Variants in RBFOX3 observed in about 807,000 individuals in gnomAD.
RBFOX3 encodes the protein RNA binding protein fox-1 homolog 3.
A neutral mutation model predicts 48.7 loss-of-function variants in RBFOX3; 17 were observed. The ratio of observed to expected loss-of-function variants is 0.35; its 90% CI spans 0.24 to 0.52. RBFOX3 has a LOEUF of 0.52. RBFOX3 is among the 20% of genes least tolerant of loss of function. The probability of loss-of-function intolerance (pLI) is 0.94; values close to 1 mark genes in which losing one functional copy is unlikely to be tolerated. For missense variants in RBFOX3, 382 were observed against 497.5 expected (o/e 0.77, Z 2.21); for synonymous variants, 212 against 209.5 (o/e 1.01, Z -0.10).
intron 1 of RBFOX3, among the ~76,000 whole-genome samples, chr17:79,559,907 T>G (rs1599156663): frequency 1.7e-5 from 2 of 116,122 alleles, no homozygotes; most frequent in Non-Finnish European, 3.5e-5. Flanking sequence ...GGTGGGTGGG[T>G]GAGTGGATGA....
At chr17:79,172,562 TG>T (rs1243435480) in intron 4 of RBFOX3, among the ~76,000 whole-genome samples, 1 of 152,160 alleles carries the variant, frequency 6.6e-6, no homozygotes. Flanking sequence ...GGAGGCGGCT[TG>T]GGGAGCCGGA....
the RBFOX3 span, among the ~76,000 whole-genome samples, chr17:79,658,004 ACAC>A: frequency 6.6e-6 from 1 of 152,114 alleles, no homozygotes; most frequent in East Asian, 1.9e-4. Flanking sequence ...GGAGAGAGAG[ACAC>A]TGGCTGAGAA....
At chr17:79,380,584 C>G (rs181799166) in intron 2 of RBFOX3, among the ~76,000 whole-genome samples, 69 of 152,308 alleles carry the variant, frequency 4.5e-4, no homozygotes, top group African/African-American at 1.6e-3. Context: ...TTTACTGCAG[C>G]ATTTGTCCTT....
chr17:79,452,843 A>G (rs114894625), intron 2 of RBFOX3, among the ~76,000 whole-genome samples: 1 of 152,332 alleles, frequency 6.6e-6, no homozygotes, highest in African/African-American at 2.4e-5. Context: ...ATTGCAGGGA[A>G]GAAACACCCT....
chr17:79,340,874 A>T (rs1439023574), intron 2 of RBFOX3, among the ~76,000 whole-genome samples: 1 of 152,226 alleles, frequency 6.6e-6, no homozygotes, highest in Non-Finnish European at 1.5e-5. Context: ...TACTTGAATC[A>T]GAAAAAATGC....
chr17:79,178,788 C>T (rs1006345131), intron 4 of RBFOX3, among the ~76,000 whole-genome samples: 1 of 152,194 alleles, frequency 6.6e-6, no homozygotes, highest in Non-Finnish European at 1.5e-5. Context: ...GGAGTGAGGG[C>T]GCAGGACCGC....
At chr17:79,431,203 G>C (rs2068380913) in intron 2 of RBFOX3, among the ~76,000 whole-genome samples, 1 of 152,178 alleles carries the variant, frequency 6.6e-6, no homozygotes, top group South Asian at 2.1e-4. Flanking sequence ...CACGCGGTCT[G>C]TTCTCACTGC....
At chr17:79,548,305 C>T (rs552447214) in intron 1 of RBFOX3, among the ~76,000 whole-genome samples, 2 of 152,260 alleles carry the variant, frequency 1.3e-5, no homozygotes, top group African/African-American at 2.4e-5. Flanking sequence ...TGAGGCTGCC[C>T]TCTCTGGACA....
chr17:79,114,697 A>C (rs1184247562), intron 5 of RBFOX3, among the ~76,000 whole-genome samples: 1 of 152,194 alleles, frequency 6.6e-6, no homozygotes, highest in African/African-American at 2.4e-5. Flanking sequence ...TAGCACATCC[A>C]GCGGCTGGGA....
At chr17:79,148,173 T>C (rs2043461663) in intron 4 of RBFOX3, among the ~76,000 whole-genome samples, 1 of 152,204 alleles carries the variant, frequency 6.6e-6, no homozygotes, top group South Asian at 2.1e-4. Context: ...CGGTCATGGC[T>C]AACACTCCTT....
chr17:79,448,878 A>G (rs1476460072), intron 2 of RBFOX3, among the ~76,000 whole-genome samples: 1 of 151,970 alleles, frequency 6.6e-6, no homozygotes, highest in African/African-American at 2.4e-5. Context: ...CAGACCCCTC[A>G]TGCAGGTTCC....
At chr17:79,110,275 A>T (rs2146804415) in intron 5 of RBFOX3, among the ~76,000 whole-genome samples, 1 of 151,892 alleles carries the variant, frequency 6.6e-6, no homozygotes, top group South Asian at 2.1e-4. Context: ...GCCATTATGG[A>T]CACCTCCCCA....
In RBFOX3 at chr17:79,131,819, G is replaced by A. The variant is rs1198461229; in HGVS notation, c.-33-16071C>T. Among the ~76,000 whole-genome samples, 5 of 152,178 alleles carry A rather than the reference G, an allele frequency of 3.3e-5. No homozygotes were observed. In the East Asian group the frequency reaches 5.8e-4, roughly 18 times the overall value. On this transcript the variant is annotated intron_variant, in intron 4 of 14. Coordinates refer to ENST00000693108, the MANE Select transcript of RBFOX3 (RefSeq NM_001350451.2). Reference sequence around the variant, plus strand: ...TGAGAGATGGCCCCGAATCCTGCCCGGCCACCTGGCCAGAGCCCAACCCCA... The same window carrying A: ...TGAGAGATGGCCCCGAATCCTGCCCAGCCACCTGGCCAGAGCCCAACCCCA...
chr17:79,245,428 A>AT (rs915163130), intron 3 of RBFOX3, among the ~76,000 whole-genome samples: 2 of 151,688 alleles, frequency 1.3e-5, no homozygotes, highest in African/African-American at 4.9e-5. Flanking sequence ...TTTGGTTTGA[A>AT]TTTTTTGTGG....
chr17:79,406,297 G>A (rs142053885), intron 2 of RBFOX3, among the ~76,000 whole-genome samples: 4 of 152,242 alleles, frequency 2.6e-5, no homozygotes, highest in South Asian at 2.1e-4. Flanking sequence ...GGATGGGGTC[G>A]GCTCAGCACT....
At chr17:79,442,065 G>C (rs977179253) in intron 2 of RBFOX3, among the ~76,000 whole-genome samples, 2 of 151,514 alleles carry the variant, frequency 1.3e-5, no homozygotes, top group African/African-American at 4.9e-5. Flanking sequence ...CAAAGGCCCT[G>C]GGGTGAAAGG....
intron 1 of RBFOX3, among the ~76,000 whole-genome samples, chr17:79,531,282 T>G (rs976071200): frequency 3.9e-5 from 6 of 152,184 alleles, no homozygotes; most frequent in Admixed American, 6.5e-5. Context: ...GGTGCCCACC[T>G]GCCCTGCCAG....
chr17:79,394,356 C>A (rs1447770058), intron 2 of RBFOX3, among the ~76,000 whole-genome samples: 3 of 152,200 alleles, frequency 2.0e-5, no homozygotes, highest in Non-Finnish European at 4.4e-5. Flanking sequence ...AGGCCAGAGC[C>A]CAGCCAAGCC....
chr17:79,379,958 C>A (rs572520662), intron 2 of RBFOX3, among the ~76,000 whole-genome samples: 4 of 152,182 alleles, frequency 2.6e-5, no homozygotes, highest in African/African-American at 4.8e-5. Flanking sequence ...CTTGGTACAG[C>A]TTCTCCCTCC....
Sources: gnomAD v4.1 joint callset for allele counts (sites outside exome capture counted in the v4.1 genomes callset) on GRCh38, gnomAD v4.1.1 for gene constraint, MANE v1.5 for transcripts, NCBI Gene and HGNC (gene_info 2026-07-23, HGNC 2026-07-21) for gene names.